Variants in ACVR2B observed in about 807,000 individuals in gnomAD.
ACVR2B encodes the protein activin A receptor type 2B, also known as activin receptor type-2B.
In ACVR2B, 18 loss-of-function variants were observed where a neutral mutation model predicts 65.1. The ratio of observed to expected loss-of-function variants is 0.28; its 90% CI spans 0.19 to 0.41. ACVR2B has a LOEUF of 0.41. Among genes scored for constraint, ACVR2B ranks in the 10% least tolerant of loss-of-function variants. The probability of loss-of-function intolerance (pLI) is 1.00; values close to 1 mark genes in which losing one functional copy is unlikely to be tolerated. For missense variants in ACVR2B, 482 were observed against 682.7 expected, an observed-to-expected ratio of 0.71 and a Z score of 3.28; for synonymous variants, 298 against 277.7, an observed-to-expected ratio of 1.07 and a Z score of -0.73.
At position 38,477,191 on chromosome 3, in the gene ACVR2B, C is replaced by A; in HGVS notation, c.53-96C>A. On this transcript the variant is annotated intron_variant, in intron 1 of 10. Transcript: ENST00000352511. The surrounding 1 kb of genome is among the most constrained non-coding windows in gnomAD (Gnocchi z 6.7). ...GACCCCAACCCACCACCCGGCCTCCCTCCCTCAGGGTGGCCTGGCACCCAG... is the reference window on the plus strand; with the variant it reads ...GACCCCAACCCACCACCCGGCCTCCATCCCTCAGGGTGGCCTGGCACCCAG... The A allele has an allele frequency of 6.8e-7, 1 of 1,471,266 alleles. No homozygotes were observed. The highest frequency in any genetic ancestry group is 9.3e-7 in the Non-Finnish European group (1 of 1,069,868). 91.1% of individuals were successfully genotyped at this position (1,471,266 alleles called of 1,614,324 possible).
At chr3:38,479,548 A>G (rs1709979769) in intron 6 of ACVR2B, 130 bp from the exon 7 acceptor site, 3 of 1,170,760 alleles carry the variant, frequency 2.6e-6, no homozygotes, top group Admixed American at 1.8e-5. Context: ...TCCATCTTCC[A>G]TATCGATTGT....
Position 38,477,322 on chromosome 3 carries a change from A to C in ACVR2B, c.88A>C (p.Ile30Leu), listed in dbSNP as rs1709928677. 3.1e-6 allele frequency: 5 copies of C among 1,614,018 alleles called. No homozygotes were observed. The highest frequency in any genetic ancestry group is 3.4e-6 in the Non-Finnish European group (4 of 1,179,998). ...GRGEAETREC[I>L]YYNANWELER... ...TGGGGAGGCTGAGACACGGGAGTGC[A>C]TCTACTACAACGCCAACTGGGAGCT... is the stretch of plus-strand genomic sequence containing the variant. Residue 30 changes from isoleucine to leucine, a missense_variant, in exon 2 of 11, where the codon ATC (isoleucine) becomes CTC (leucine). Coordinates refer to ENST00000352511, the MANE Select transcript of ACVR2B (RefSeq NM_001106.4). The surrounding 1 kb of genome is among the most constrained non-coding windows in gnomAD (Gnocchi z 6.7).
chr3:38,477,195 C>T lies in ACVR2B; in HGVS notation c.53-92C>T, dbSNP rs1709926441. On this transcript the variant is annotated intron_variant, in intron 1 of 10. Coordinates refer to ENST00000352511, the MANE Select transcript of ACVR2B (RefSeq NM_001106.4). The surrounding 1 kb of genome is among the most constrained non-coding windows in gnomAD (Gnocchi z 6.7). The stretch of plus-strand genomic sequence containing the variant: ...CCAACCCACCACCCGGCCTCCCTCC[C>T]TCAGGGTGGCCTGGCACCCAGGACT... The T allele has an allele frequency of 4.0e-6, 6 of 1,494,806 alleles. No homozygotes were observed. The highest frequency in any genetic ancestry group is 3.5e-5 in the South Asian group (3 of 85,114). 92.6% of individuals were successfully genotyped at this position (1,494,806 alleles called of 1,614,324 possible). A position where few individuals can be genotyped will look rare whatever the true frequency, so the allele number is the denominator to read the frequency against.
Position 38,492,059 on chromosome 3 carries a change from A to G in ACVR2B, c.*8727A>G, listed in dbSNP as rs943932704. The G allele has an allele frequency of 2.6e-5, 4 of 152,256 alleles. No individual in the cohort carries two copies. Among genetic ancestry groups the G allele is most frequent in the Non-Finnish European group, 4.4e-5 (3 of 68,034 alleles). 9.4% of individuals were successfully genotyped at this position (152,256 alleles called of 1,614,324 possible). The stretch of plus-strand genomic sequence containing the variant: ...TTAACTTACATCGAGTTTGTTGTCA[A>G]TTCTTATGAAAAGAGCTTTCTGCAT... On this transcript the variant is annotated 3_prime_UTR_variant, in exon 11 of 11. Coordinates refer to ENST00000352511, the MANE Select transcript of ACVR2B (RefSeq NM_001106.4).
chr3:38,491,604 G>C lies in ACVR2B; in HGVS notation c.*8272G>C, dbSNP rs1465444121. On this transcript the variant is annotated 3_prime_UTR_variant, in exon 11 of 11. Coordinates refer to ENST00000352511, the MANE Select transcript of ACVR2B (RefSeq NM_001106.4). ...CAATGACAGAGATGAGAGTAGAAAA[G>C]ATTAGGCAACATCTGAGTTTTAACT... 1 of 152,318 alleles carries C rather than the reference G, an allele frequency of 6.6e-6. No homozygotes were observed. Among genetic ancestry groups the C allele is most frequent in the African/African-American group, 2.4e-5 (1 of 41,470 alleles). The allele number at this position is 152,318 out of a possible 1,614,324, so 9.4% of individuals were successfully genotyped here.
In ACVR2B at chr3:38,478,016, G is replaced by A. The variant is rs770520204; in HGVS notation, c.370+46G>A. The A allele has an allele frequency of 1.3e-5, 21 of 1,607,632 alleles. No individual in the cohort carries two copies. In the South Asian group the frequency reaches 2.2e-4, roughly 17 times the overall value. On this transcript the variant is annotated intron_variant, in intron 3 of 10. Transcript: ENST00000352511. ...TGGGGCCTTGAGTCAGCCGACCTGG[G>A]CTTCTTTGGCTTGGAGCGCTTGGCT... is the stretch of plus-strand genomic sequence containing the variant.
rs369303116 is a variant in ACVR2B at position 38,478,521 on chromosome 3, G to T, written c.666+3G>T. The T allele has an allele frequency of 1.2e-5, 19 of 1,613,980 alleles. No homozygotes were observed. The highest frequency in any genetic ancestry group is 1.6e-5 in the Non-Finnish European group (19 of 1,180,024). On this transcript the variant is annotated splice_donor_region_variant and intron_variant, in intron 5 of 10. Coordinates refer to ENST00000352511, the MANE Select transcript of ACVR2B (RefSeq NM_001106.4). ...CTGTCAAGATCTTCCCACTCCAGGT[G>T]AGTGTTTGAGGGGCTCCATCCAGGT... is the stretch of plus-strand genomic sequence containing the variant.
At position 38,483,173 on chromosome 3, in the gene ACVR2B, C is replaced by T; in HGVS notation, c.1380C>T (p.Cys460=). The T allele has an allele frequency of 6.2e-7, 1 of 1,614,198 alleles. No homozygotes were observed. The highest frequency in any genetic ancestry group is 1.7e-5 in the Admixed American group (1 of 60,020). ...AGCTTTGTGTGACCATCGAGGAGTG[C>T]TGGGACCATGATGCAGAGGCTCGCT... The part of the protein sequence containing the change: ...LAQLCVTIEE[C]WDHDAEARLS... Residue 460 remains cysteine, a synonymous_variant, in exon 11 of 11, where the codon TGC becomes TGT. Transcript: ENST00000352511. This position sits in a 1 kb window ranked among gnomAD's most constrained non-coding sequence, Gnocchi z 4.8.
At chr3:38,476,832 T>G (rs985150238) in intron 1 of ACVR2B, 7 of 244,604 alleles carry the variant, frequency 2.9e-5, no homozygotes, top group African/African-American at 1.5e-4. Context: ...TGCTCCCCTT[T>G]CCCACACCTG....
intron 1 of ACVR2B, among the ~76,000 whole-genome samples, chr3:38,458,215 C>T (rs1349286662): frequency 3.3e-5 from 5 of 152,196 alleles, no homozygotes; most frequent in African/African-American, 1.2e-4. Flanking sequence ...TCTGCTGGCA[C>T]TTCACCTAAG....
At position 38,478,430 on chromosome 3, in the gene ACVR2B, T is replaced by G; in HGVS notation, c.578T>G (p.Leu193Arg). 1 of 1,614,076 alleles carries G rather than the reference T, an allele frequency of 6.2e-7. No individual in the cohort carries two copies. The highest frequency in any genetic ancestry group is 1.3e-5 in the African/African-American group (1 of 75,002). ...GTGGGCCTGAAGCCACTGCAGCTGC[T>G]GGAGATCAAGGCTCGGGGGCGCTTT... ...PLVGLKPLQL[L>R]EIKARGRFGC... The change falls in exon 5 of 11, where the codon CTG becomes CGG. Residue 193 changes from leucine to arginine, a missense_variant. Leu to Arg is a moderately radical substitution (Grantham distance 102, BLOSUM62 -2). Coordinates refer to ENST00000352511, the MANE Select transcript of ACVR2B (RefSeq NM_001106.4).
At chr3:38,479,102 C>A in intron 5 of ACVR2B, 26 bp from the exon 6 acceptor site, 1 of 1,613,768 alleles carries the variant, frequency 6.2e-7, no homozygotes, top group Non-Finnish European at 8.5e-7. Context: ...CCACTTGTCC[C>A]CCCAACCCCT....
At position 38,484,824 on chromosome 3, in the gene ACVR2B, A is replaced by G. The variant is rs1210796064; in HGVS notation, c.*1492A>G. Reference sequence around the variant, plus strand: ...TTTCTACTTATGTAAGGTTTATTATATATTTTGTTAGTTGTGTTGTCTTGT... The same window carrying G: ...TTTCTACTTATGTAAGGTTTATTATGTATTTTGTTAGTTGTGTTGTCTTGT... On this transcript the variant is annotated 3_prime_UTR_variant, in exon 11 of 11. Transcript: ENST00000352511. 3.3e-5 allele frequency: 5 copies of G among 152,618 alleles called. No individual in the cohort carries two copies. The highest frequency in any genetic ancestry group is 1.5e-5 in the Non-Finnish European group (1 of 68,036). The allele number at this position is 152,618 out of a possible 1,614,324, so 9.5% of individuals were successfully genotyped here. A position where few individuals can be genotyped will look rare whatever the true frequency, so the allele number is the denominator to read the frequency against.
rs931298492 is a variant in ACVR2B, at chr3:38,491,607, T to A, written c.*8275T>A. 1 of 152,268 alleles carries A rather than the reference T, an allele frequency of 6.6e-6. No homozygotes were observed. The highest frequency in any genetic ancestry group is 2.4e-5 in the African/African-American group (1 of 41,444). 9.4% of individuals were successfully genotyped at this position (152,268 alleles called of 1,614,324 possible). A position where few individuals can be genotyped will look rare whatever the true frequency, so the allele number is the denominator to read the frequency against. On this transcript the variant is annotated 3_prime_UTR_variant, in exon 11 of 11. Coordinates refer to ENST00000352511, the MANE Select transcript of ACVR2B (RefSeq NM_001106.4). ...TGACAGAGATGAGAGTAGAAAAGAT[T>A]AGGCAACATCTGAGTTTTAACTTGA...
rs140813493 is a variant in ACVR2B, at chr3:38,488,538, T to C, written c.*5206T>C. On this transcript the variant is annotated 3_prime_UTR_variant, in exon 11 of 11. Coordinates refer to ENST00000352511, the MANE Select transcript of ACVR2B (RefSeq NM_001106.4). ...GTGGGACATTTTGAATGTTTTATGTTTATTTTGGGTCCACTGTAAACTTTG... is the reference window on the plus strand; with the variant it reads ...GTGGGACATTTTGAATGTTTTATGTCTATTTTGGGTCCACTGTAAACTTTG... 9 of 152,320 alleles carry C rather than the reference T, an allele frequency of 5.9e-5. No homozygotes were observed. The East Asian group carries it at 1.7e-3, about 29-fold the overall frequency. 9.4% of individuals were successfully genotyped at this position (152,320 alleles called of 1,614,324 possible). A position where few individuals can be genotyped will look rare whatever the true frequency, so the allele number is the denominator to read the frequency against.
chr3:38,460,022 C>T lies in ACVR2B; in HGVS notation c.52+5648C>T, dbSNP rs75157910. Among the ~76,000 whole-genome samples, 945 of 152,320 alleles carry T rather than the reference C, an allele frequency of 6.2e-3. 4 individuals carry two copies. The highest frequency in any genetic ancestry group is 0.02 in the Middle Eastern group (6 of 294). On this transcript the variant is annotated intron_variant, in intron 1 of 10. Coordinates refer to ENST00000352511, the MANE Select transcript of ACVR2B (RefSeq NM_001106.4). ...TGCTGCACTGGGAAGTGATTACAAA[C>T]TGGACTCTTAGGGTGGAGGAAGCAT...
chr3:38,465,397 C>CAAAAAAA (rs71085325), intron 1 of ACVR2B, among the ~76,000 whole-genome samples: 3 of 90,268 alleles, frequency 3.3e-5, no homozygotes, highest in African/African-American at 9.0e-5. Context: ...GATTCCATCT[C>CAAAAAAA]AAAAAAAAAA....
chr3:38,462,524 T>C (rs1035603488), intron 1 of ACVR2B, among the ~76,000 whole-genome samples: 1 of 152,240 alleles, frequency 6.6e-6, no homozygotes, highest in Non-Finnish European at 1.5e-5. Flanking sequence ...GTGCTTCATA[T>C]GAATAGAACC....
chr3:38,474,854 C>T (rs954074993), intron 1 of ACVR2B: 2 of 152,248 alleles, frequency 1.3e-5, no homozygotes, highest in African/African-American at 2.4e-5. Context: ...AGGTGGGTAA[C>T]CTTACGGCCA....
Sources: allele counts gnomAD v4.1 joint callset (sites outside exome capture counted in the v4.1 genomes callset), GRCh38; gene constraint gnomAD v4.1.1; non-coding constraint Gnocchi (gnomAD v3.1); transcripts MANE v1.5; gene names NCBI Gene and HGNC (gene_info 2026-07-23, HGNC 2026-07-21).